PRKN: variants seen among roughly 807,000 people sequenced by gnomAD.
PRKN encodes the protein E3 ubiquitin-protein ligase parkin.
Under a neutral mutation model 59.5 loss-of-function variants are expected in PRKN, and 56 were observed. That is an observed-to-expected ratio of 0.94 (90% CI 0.76 to 1.18). The LOEUF is 1.18. PRKN is among the 50% of genes most tolerant of loss of function. The probability of loss-of-function intolerance (pLI) is 0.00; values close to 1 mark genes in which losing one functional copy is unlikely to be tolerated. For synonymous variants in PRKN, 250 were observed against 222.1 expected, an observed-to-expected ratio of 1.13 and a Z score of -1.12; for missense variants, 657 against 596.4, an observed-to-expected ratio of 1.10 and a Z score of -1.06.
intron 1 of PRKN, among the ~76,000 whole-genome samples, chr6:162,702,096 A>G (rs1296764632): frequency 6.6e-6 from 1 of 152,110 alleles, no homozygotes; most frequent in Admixed American, 6.5e-5. Context: ...GGTGAAAACT[A>G]TCGTGACAAT....
intron 4 of PRKN, among the ~76,000 whole-genome samples, chr6:162,092,955 T>C (rs1287178533): frequency 1.3e-5 from 2 of 152,218 alleles, no homozygotes; most frequent in African/African-American, 4.8e-5. Flanking sequence ...GATGTCTGCC[T>C]CACGCTTAGC....
At chr6:161,855,194 C>T (rs1438639613) in intron 6 of PRKN, among the ~76,000 whole-genome samples, 1 of 151,948 alleles carries the variant, frequency 6.6e-6, no homozygotes, top group Non-Finnish European at 1.5e-5. Context: ...GCTTGCTCAC[C>T]ACCCCCAGAA....
rs1787456237 is a variant in PRKN, at chr6:161,410,121, G to A, written c.1084-23244C>T. 6.6e-6 allele frequency among the ~76,000 whole-genome samples: 1 copy of A among 152,140 alleles called. No homozygotes were observed. On this transcript the variant is annotated intron_variant, in intron 9 of 11. Transcript: ENST00000366898. This position sits in a 1 kb window ranked among gnomAD's most constrained non-coding sequence, Gnocchi z 5.3. The stretch of plus-strand genomic sequence containing the variant: ...CAGCGGTCTGGCACTTTTTTTGAGT[G>A]TCTGCTGCCCTTGAAGAAGGGGATG...
intron 2 of PRKN, among the ~76,000 whole-genome samples, chr6:162,314,087 T>C (rs1202636524): frequency 6.6e-6 from 1 of 152,122 alleles, no homozygotes; most frequent in Non-Finnish European, 1.5e-5. Context: ...AAGGTTTCCA[T>C]GTAGCGCTTG....
At chr6:162,586,714 T>A (rs35575481) in intron 1 of PRKN, among the ~76,000 whole-genome samples, 15,325 of 152,262 alleles carry the variant, frequency 0.1, 927 homozygotes, top group Middle Eastern at 0.19. Flanking sequence ...AATGGATGAC[T>A]TTTTCCCTTG....
intron 2 of PRKN, among the ~76,000 whole-genome samples, chr6:162,359,059 C>CAA (rs71692740): frequency 2.7e-3 from 248 of 92,480 alleles, no homozygotes; most frequent in African/African-American, 8.3e-3. Context: ...CACACTGTGG[C>CAA]AAAAAAAAAA....
At position 161,628,016 on chromosome 6, in the gene PRKN, TAAAC is replaced by T. The variant is rs1020912452; in HGVS notation, c.872-58604_872-58601del. On this transcript the variant is annotated intron_variant, in intron 7 of 11. Transcript: ENST00000366898. ...GTATTAGCCAAAACAAACTGATAATTAAACAAACAAACATGATGGTGTCATGTAT... is the reference window on the plus strand; with the variant it reads ...GTATTAGCCAAAACAAACTGATAATTAAACAAACATGATGGTGTCATGTAT... 1.6e-4 allele frequency among the ~76,000 whole-genome samples: 25 copies of T among 152,212 alleles called. 1 individual carries two copies. The highest frequency in any genetic ancestry group is 6.0e-4 in the African/African-American group (25 of 41,462).
intron 2 of PRKN, among the ~76,000 whole-genome samples, chr6:162,438,889 C>A (rs1027102904): frequency 9.8e-5 from 15 of 152,302 alleles, no homozygotes; most frequent in African/African-American, 3.6e-4. Context: ...CCACCATTAT[C>A]TTCTCCTTCC....
chr6:162,488,027 C>T (rs868188254), intron 1 of PRKN, among the ~76,000 whole-genome samples: 5 of 109,772 alleles, frequency 4.6e-5, no homozygotes, highest in Non-Finnish European at 7.6e-5. Context: ...CACCATTTCC[C>T]TTTTTTTTTT....
intron 6 of PRKN, among the ~76,000 whole-genome samples, chr6:161,895,452 C>A (rs973028217): frequency 1.3e-5 from 2 of 151,946 alleles, no homozygotes; most frequent in Non-Finnish European, 2.9e-5. Flanking sequence ...GCCTGGGTCC[C>A]CCTGGGGAGC....
chr6:161,671,983 A>G (rs1784925833), intron 7 of PRKN, among the ~76,000 whole-genome samples: 2 of 152,080 alleles, frequency 1.3e-5, no homozygotes, highest in Admixed American at 1.3e-4. Flanking sequence ...AATCTCATGA[A>G]CTCGATAGAG....
chr6:162,502,439 T>C (rs960998318), intron 1 of PRKN, among the ~76,000 whole-genome samples: 2 of 152,166 alleles, frequency 1.3e-5, no homozygotes, highest in Admixed American at 6.5e-5. Flanking sequence ...ATTACAGCTG[T>C]GAGCCACCTT....
chr6:161,585,442 C>G (rs1295258495), intron 7 of PRKN, among the ~76,000 whole-genome samples: 3 of 152,098 alleles, frequency 2.0e-5, no homozygotes, highest in Non-Finnish European at 4.4e-5. Context: ...AAAACAGAAG[C>G]CCTCTTTTGC....
chr6:161,793,993 C>A (rs554708200), intron 6 of PRKN, among the ~76,000 whole-genome samples: 1 of 152,214 alleles, frequency 6.6e-6, no homozygotes, highest in East Asian at 1.9e-4. Context: ...CCAAGTTTGA[C>A]TCTGCTGCTA....
intron 2 of PRKN, among the ~76,000 whole-genome samples, chr6:162,407,135 T>C (rs1788111066): frequency 6.6e-6 from 1 of 152,302 alleles, no homozygotes; most frequent in South Asian, 2.1e-4. Flanking sequence ...GGGACTACTC[T>C]ATTCCCTCAC....
intron 4 of PRKN, among the ~76,000 whole-genome samples, chr6:162,194,854 A>C (rs559644688): frequency 6.6e-6 from 1 of 152,070 alleles, no homozygotes. Flanking sequence ...GTGAGTGTGC[A>C]TCATTTGTGT....
intron 2 of PRKN, among the ~76,000 whole-genome samples, chr6:162,376,916 G>A (rs1394703269): frequency 6.6e-6 from 1 of 151,478 alleles, no homozygotes; most frequent in Non-Finnish European, 1.5e-5. Flanking sequence ...AAGAGACCAC[G>A]AGGAGAGAGG....
chr6:161,666,293 T>C (rs1273678799), intron 7 of PRKN, among the ~76,000 whole-genome samples: 1 of 152,122 alleles, frequency 6.6e-6, no homozygotes, highest in African/African-American at 2.4e-5. Flanking sequence ...TCTTGTCAGA[T>C]CAGTGGTGGC....
chr6:162,653,473 T>C (rs958873480), intron 1 of PRKN, among the ~76,000 whole-genome samples: 1 of 152,214 alleles, frequency 6.6e-6, no homozygotes, highest in Non-Finnish European at 1.5e-5. Flanking sequence ...TAGAAAATCT[T>C]AGAAAATTTC....
Sources: gnomAD v4.1 joint callset for allele counts (sites outside exome capture counted in the v4.1 genomes callset) on GRCh38, gnomAD v4.1.1 for gene constraint, Gnocchi (gnomAD v3.1) non-coding constraint, MANE v1.5 for transcripts, NCBI Gene and HGNC (gene_info 2026-07-23, HGNC 2026-07-21) for gene names.